APOL4: variants seen among roughly 807,000 people sequenced by gnomAD.
APOL4 encodes apolipoprotein L4.
A neutral mutation model predicts 12.1 loss-of-function variants in APOL4; 14 were observed. The observed-to-expected ratio is 1.16, with a 90% CI of 0.76 to 1.81. The LOEUF is 1.81. Ranked by LOEUF, APOL4 falls within the 40% of genes most tolerant of loss-of-function variation. APOL4 has a pLI of 0.00. For missense variants in APOL4, 432 were observed against 423.1 expected (o/e 1.02, Z -0.18); for synonymous variants, 171 against 160.6 (o/e 1.06, Z -0.49).
intron 2 of APOL4, among the ~76,000 whole-genome samples, chr22:36,197,192 A>T (rs132709): frequency 0.46 from 69,664 of 151,976 alleles, 19,519 homozygotes; most frequent in East Asian, 0.88. Flanking sequence ...ATTGGCTGAG[A>T]GCTCTCAGCT....
Position 36,191,652 on chromosome 22 carries a change from A to G in APOL4, c.470T>C (p.Leu157Ser). Reference protein sequence around the residue: ...TGILSVIGVMLAPFTAGLSLS... With the variant: ...TGILSVIGVMSAPFTAGLSLS... Reference sequence around the variant, plus strand: ...GCTCAGCCCTGCTGTAAATGGTGCCAACATAACGCCAATGACAGACAGGAT... The same window carrying G: ...GCTCAGCCCTGCTGTAAATGGTGCCGACATAACGCCAATGACAGACAGGAT... Residue 157 changes from leucine to serine, a missense_variant, in exon 4 of 4, where the codon TTG (leucine) becomes TCG (serine). Coordinates refer to ENST00000683024, the MANE Select transcript of APOL4 (RefSeq NM_001386885.1). 6.2e-7 allele frequency: 1 copy of G among 1,614,002 alleles called. No homozygotes were observed. The highest frequency in any genetic ancestry group is 8.5e-7 in the Non-Finnish European group (1 of 1,179,874).
At chr22:36,193,776 C>A (rs1317691526) in intron 3 of APOL4, among the ~76,000 whole-genome samples, 4 of 152,200 alleles carry the variant, frequency 2.6e-5, no homozygotes, top group Non-Finnish European at 5.9e-5. Context: ...GACGTTCTGA[C>A]TAAAGGCCAC....
In APOL4 at chr22:36,191,015, C is replaced by T. The variant is rs1167633652; in HGVS notation, c.*60G>A. The T allele has an allele frequency of 2.9e-6, 4 of 1,403,280 alleles. No homozygotes were observed. The highest frequency in any genetic ancestry group is 3.8e-6 in the Non-Finnish European group (4 of 1,039,174). 86.9% of individuals were successfully genotyped at this position (1,403,280 alleles called of 1,614,324 possible). ...TGAAATCTTCACAATCCACGTTCTT[C>T]TGCCATGGCTTCAGCCAGTCCCTCC... is the stretch of plus-strand genomic sequence containing the variant. On this transcript the variant is annotated 3_prime_UTR_variant, in exon 4 of 4. Coordinates refer to ENST00000683024, the MANE Select transcript of APOL4 (RefSeq NM_001386885.1).
intron 2 of APOL4, chr22:36,197,390 T>C (rs1310260178): frequency 9.1e-6 from 4 of 439,618 alleles, no homozygotes; most frequent in African/African-American, 6.1e-5. Flanking sequence ...AGGGATTGTC[T>C]TGTTTTTTCT....
At chr22:36,197,105 A>G (rs890822392) in intron 2 of APOL4, among the ~76,000 whole-genome samples, 3 of 152,142 alleles carry the variant, frequency 2.0e-5, no homozygotes, top group Non-Finnish European at 2.9e-5. Context: ...CCCCGTTAGT[A>G]AACCACAGAT....
intron 2 of APOL4, among the ~76,000 whole-genome samples, chr22:36,196,875 C>A (rs1019260734): frequency 7.2e-5 from 11 of 152,172 alleles, no homozygotes; most frequent in South Asian, 6.2e-4. Flanking sequence ...TGCATTCTCC[C>A]CTGTAGTATA....
At chr22:36,199,303 C>T in intron 2 of APOL4, 27 bp downstream of exon 2, 13 of 1,614,152 alleles carry the variant, frequency 8.1e-6, no homozygotes, top group Non-Finnish European at 1.1e-5. Flanking sequence ...GCGAGCCTAC[C>T]AGCAGCCAGG....
chr22:36,196,458 A>G (rs1426194908), intron 2 of APOL4, among the ~76,000 whole-genome samples: 1 of 152,152 alleles, frequency 6.6e-6, no homozygotes, highest in Non-Finnish European at 1.5e-5. Context: ...CCCACCTTGT[A>G]ATCAAAGGTA....
upstream of APOL4, chr22:36,204,656 G>A: frequency 1.3e-6 from 1 of 764,794 alleles, no homozygotes; most frequent in Non-Finnish European, 1.9e-6. Context: ...CAGAGACTGA[G>A]CAAGATCCAG....
rs974025592 is a variant in APOL4, at chr22:36,190,073, C to T, written c.*1002G>A. 6.5e-6 allele frequency: 1 copy of T among 154,380 alleles called. No individual in the cohort carries two copies. The highest frequency in any genetic ancestry group is 2.4e-5 in the African/African-American group (1 of 41,518). The allele number at this position is 154,380 out of a possible 1,614,324, so 9.6% of individuals were successfully genotyped here. On this transcript the variant is annotated 3_prime_UTR_variant, in exon 4 of 4. Transcript: ENST00000683024. ...TTGGCCGGTTTGAGAAATAAAGGCACAGAGTACAAAAGAGAGAAATTTTAA... is the reference window on the plus strand; with the variant it reads ...TTGGCCGGTTTGAGAAATAAAGGCATAGAGTACAAAAGAGAGAAATTTTAA...
At chr22:36,192,967 C>T (rs2014305275) in intron 3 of APOL4, among the ~76,000 whole-genome samples, 1 of 152,208 alleles carries the variant, frequency 6.6e-6, no homozygotes, top group African/African-American at 2.4e-5. Context: ...AGCCTCTTCT[C>T]CTCTAGACAT....
chr22:36,197,499 A>G, intron 2 of APOL4: 3 of 1,276,992 alleles, frequency 2.3e-6, no homozygotes, highest in Non-Finnish European at 3.1e-6. Flanking sequence ...GGGATGGTGA[A>G]TATTAAAGCA....
chr22:36,190,704 A>T lies in APOL4; in HGVS notation c.*371T>A, dbSNP rs1206069758. 1 of 210,370 alleles carries T rather than the reference A, an allele frequency of 4.8e-6. No individual in the cohort carries two copies. Among genetic ancestry groups the T allele is most frequent in the Non-Finnish European group, 9.7e-6 (1 of 103,288 alleles). The allele number at this position is 210,370 out of a possible 1,614,324, so 13.0% of individuals were successfully genotyped here. On this transcript the variant is annotated 3_prime_UTR_variant, in exon 4 of 4. Coordinates refer to ENST00000683024, the MANE Select transcript of APOL4 (RefSeq NM_001386885.1). ...TCTTATTCCCTGAACAATTGCTGTT[A>T]TCCTGTTCTTTTTTCAAGGTGCCCA...
At chr22:36,199,960 G>T (rs961926039) in intron 1 of APOL4, among the ~76,000 whole-genome samples, 4 of 152,002 alleles carry the variant, frequency 2.6e-5, no homozygotes, top group African/African-American at 9.7e-5. Context: ...GGTGCCCGTC[G>T]CCACATTCGG....
At chr22:36,199,255 A>C in intron 2 of APOL4, 75 bp downstream of exon 2, 1 of 1,588,086 alleles carries the variant, frequency 6.3e-7, no homozygotes, top group East Asian at 2.2e-5. Context: ...ACCACCCTCC[A>C]TTCTAGCTGT....
intron 1 of APOL4, chr22:36,201,490 A>T: frequency 1.0e-6 from 1 of 975,842 alleles, no homozygotes; most frequent in Non-Finnish European, 1.5e-6. Flanking sequence ...AGCATTCACC[A>T]GGGGAGTATG....
At chr22:36,193,769 G>A (rs1181149546) in intron 3 of APOL4, among the ~76,000 whole-genome samples, 2 of 152,262 alleles carry the variant, frequency 1.3e-5, no homozygotes, top group South Asian at 2.1e-4. Context: ...GCCCTTTGAC[G>A]TTCTGACTAA....
At chr22:36,202,017 A>G, upstream of APOL4, 2 of 1,614,138 alleles carry the variant, frequency 1.2e-6, no homozygotes, top group Non-Finnish European at 1.7e-6. Flanking sequence ...AAAGATTTTC[A>G]GCAAAGCAGC....
upstream of APOL4, among the ~76,000 whole-genome samples, chr22:36,204,461 A>T (rs889062539): frequency 2.0e-5 from 3 of 152,204 alleles, no homozygotes; most frequent in Non-Finnish European, 4.4e-5. Context: ...GGGAGCAATC[A>T]GACTCAAGCC....
Sources: gnomAD v4.1 joint callset for allele counts (sites outside exome capture counted in the v4.1 genomes callset) on GRCh38, gnomAD v4.1.1 for gene constraint, MANE v1.5 for transcripts, NCBI Gene and HGNC (gene_info 2026-07-23, HGNC 2026-07-21) for gene names.